SLC16A2: variants seen among roughly 807,000 people sequenced by gnomAD.
The protein encoded by SLC16A2 is monocarboxylate transporter 8.
A neutral mutation model predicts 27.2 loss-of-function variants in SLC16A2; 3 were observed. That is an observed-to-expected ratio of 0.11 (90% CI 0.05 to 0.28). The LOEUF (loss-of-function observed/expected upper bound fraction) is 0.28, where lower values mean the gene tolerates loss of function less well. Among genes scored for constraint, SLC16A2 ranks in the 10% least tolerant of loss-of-function variants. The pLI is 1.00. For synonymous variants in SLC16A2, 202 were observed against 187.8 expected (o/e 1.08, Z -0.62); for missense variants, 295 against 458.5 (o/e 0.64, Z 3.26).
At chrX:74,440,238 A>G (rs754869735) in intron 1 of SLC16A2, among the ~76,000 whole-genome samples, 1 of 111,680 alleles carries the variant, frequency 9.0e-6, no homozygotes, top group Non-Finnish European at 1.9e-5. Context: ...AGAGAACTCT[A>G]TTAACATTTT....
chrX:74,446,771 C>T (rs892828145), intron 1 of SLC16A2, among the ~76,000 whole-genome samples: 2 of 112,426 alleles, frequency 1.8e-5, no homozygotes, highest in African/African-American at 3.2e-5. Context: ...CAGATAGAAT[C>T]CTGAGTTCCA....
intron 1 of SLC16A2, among the ~76,000 whole-genome samples, chrX:74,474,164 T>C (rs1929416557): frequency 8.9e-6 from 1 of 112,062 alleles, no homozygotes; most frequent in Admixed American, 9.5e-5. Flanking sequence ...TTTACAGAGA[T>C]TGCCATCTTA....
chrX:74,494,051 G>A (rs1274808654), intron 1 of SLC16A2, among the ~76,000 whole-genome samples: 2 of 112,011 alleles, frequency 1.8e-5, no homozygotes, highest in African/African-American at 6.5e-5. Flanking sequence ...CAGGCTGAGA[G>A]GAGCAACACA....
chrX:74,423,198 C>G (rs1251460322), intron 1 of SLC16A2, among the ~76,000 whole-genome samples: 1 of 112,257 alleles, frequency 8.9e-6, no homozygotes, highest in Non-Finnish European at 1.9e-5. Flanking sequence ...CCCTCTCTGG[C>G]AAGGCTTGCT....
chrX:74,519,734 A>AAC (rs1930376893), intron 1 of SLC16A2, among the ~76,000 whole-genome samples: 1 of 69,048 alleles, frequency 1.4e-5, no homozygotes, highest in Non-Finnish European at 3.8e-5. Context: ...AAAAAAACAA[A>AAC]AAAAAAACGA....
chrX:74,475,913 G>A (rs1486382393), intron 1 of SLC16A2, among the ~76,000 whole-genome samples: 11 of 111,497 alleles, frequency 9.9e-5, no homozygotes, highest in Middle Eastern at 4.7e-3. Flanking sequence ...GTCAGGTAGC[G>A]TGATGCCTCC....
intron 1 of SLC16A2, among the ~76,000 whole-genome samples, chrX:74,478,782 C>A (rs1391228391): frequency 8.1e-5 from 9 of 111,509 alleles, no homozygotes; most frequent in Admixed American, 7.6e-4. Context: ...GTTGAAAATT[C>A]TTTTCTTTAA....
chrX:74,491,827 T>C (rs1467561739), intron 1 of SLC16A2, among the ~76,000 whole-genome samples: 1 of 112,732 alleles, frequency 8.9e-6, no homozygotes, highest in Non-Finnish European at 1.9e-5. Flanking sequence ...GAATAATTGA[T>C]ATTTAAATGA....
At chrX:74,463,411 A>G (rs1478623144) in intron 1 of SLC16A2, among the ~76,000 whole-genome samples, 1 of 112,313 alleles carries the variant, frequency 8.9e-6, no homozygotes, top group Non-Finnish European at 1.9e-5. Context: ...ATATTGAGTT[A>G]GTTCAACAGC....
chrX:74,427,812 C>T (rs1569282264), intron 1 of SLC16A2, among the ~76,000 whole-genome samples: 1 of 30,525 alleles, frequency 3.3e-5, no homozygotes, highest in Non-Finnish European at 6.0e-5. Flanking sequence ...CACGCGCGCG[C>T]ACACACACAC....
At chrX:74,427,532 A>C (rs1369201409) in intron 1 of SLC16A2, among the ~76,000 whole-genome samples, 3 of 112,088 alleles carry the variant, frequency 2.7e-5, no homozygotes, top group Non-Finnish European at 5.6e-5. Flanking sequence ...TGGACTGTCA[A>C]CATTTGTAGA....
At chrX:74,476,923 A>G (rs979306908) in intron 1 of SLC16A2, 8 of 111,765 alleles carry the variant, frequency 7.2e-5, no homozygotes, top group African/African-American at 2.6e-4. Context: ...CATCAAGGAT[A>G]TTGGTCTAAA....
chrX:74,522,750 C>T (rs1176042443), intron 2 of SLC16A2, among the ~76,000 whole-genome samples: 1 of 111,931 alleles, frequency 8.9e-6, no homozygotes, highest in East Asian at 2.8e-4. Context: ...GCGTTCTGTT[C>T]TCTAGCCCCT....
rs1178504325 is a variant in SLC16A2 at position 74,421,703 on chromosome X, G to A, written c.66G>A (p.Gln22=). The A allele has an allele frequency of 8.4e-7, 1 of 1,187,537 alleles. No homozygotes were observed. The change falls in exon 1 of 6, where the codon CAG becomes CAA. Residue 22 remains glutamine, a synonymous_variant. Coordinates refer to ENST00000587091, the MANE Select transcript of SLC16A2 (RefSeq NM_006517.5). The stretch of plus-strand genomic sequence containing the variant: ...CCTGGCAGGAGGCAGACCAGGAACA[G>A]CAGGAGCCGGTGGGTAGCCCAGAGC... The part of the protein sequence containing the change: ...KGPWQEADQE[Q]QEPVGSPEPE...
At chrX:74,509,442 G>C (rs1455048963) in intron 1 of SLC16A2, among the ~76,000 whole-genome samples, 1 of 111,986 alleles carries the variant, frequency 8.9e-6, no homozygotes, top group African/African-American at 3.3e-5. Flanking sequence ...TTCTGCATTG[G>C]TTGAGATGAT....
chrX:74,460,567 C>G (rs1311340144), intron 1 of SLC16A2, among the ~76,000 whole-genome samples: 1 of 112,423 alleles, frequency 8.9e-6, no homozygotes, highest in African/African-American at 3.2e-5. Flanking sequence ...AAATTCTGAC[C>G]AACATGAAAT....
chrX:74,454,483 A>G lies in SLC16A2; in HGVS notation c.430+32416A>G, dbSNP rs750139715. 1.1e-3 allele frequency among the ~76,000 whole-genome samples: 118 copies of G among 108,862 alleles called. 1 individual carries two copies. The highest frequency in any genetic ancestry group is 2.2e-3 in the Admixed American group (22 of 10,129). 94.5% of individuals were successfully genotyped at this position (108,862 alleles called of 115,157 possible). ...TCAGCAAACTATCGCAAGGACAAAA[A>G]ACCAAACATGGCATGTTCTCACTCA... On this transcript the variant is annotated intron_variant, in intron 1 of 5. Transcript: ENST00000587091.
intron 1 of SLC16A2, among the ~76,000 whole-genome samples, chrX:74,477,770 T>C (rs956546009): frequency 3.6e-5 from 4 of 112,286 alleles, no homozygotes; most frequent in African/African-American, 1.3e-4. Flanking sequence ...GGTTGTTCAG[T>C]TTCCATGTAG....
intron 1 of SLC16A2, among the ~76,000 whole-genome samples, chrX:74,434,017 GTGTT>G (rs1347886196): frequency 2.7e-5 from 3 of 112,151 alleles, no homozygotes; most frequent in Non-Finnish European, 3.8e-5. Context: ...TGTTCACTAA[GTGTT>G]TGTGCTCTCC....
Sources: gnomAD v4.1 joint callset for allele counts (sites outside exome capture counted in the v4.1 genomes callset) on GRCh38, gnomAD v4.1.1 for gene constraint, MANE v1.5 for transcripts, NCBI Gene and HGNC (gene_info 2026-07-23, HGNC 2026-07-21) for gene names.